KAZN: variants seen among roughly 807,000 people sequenced by gnomAD.
KAZN encodes kazrin.
KAZN carries 40 observed loss-of-function variants against 87.4 expected under a neutral mutation model. The ratio of observed to expected loss-of-function variants is 0.46; its 90% CI spans 0.36 to 0.60. KAZN has a LOEUF of 0.60. Among genes scored for constraint, KAZN ranks in the 20% least tolerant of loss-of-function variants. KAZN has a pLI of 0.00. For synonymous variants in KAZN, 466 were observed against 458.3 expected, an observed-to-expected ratio of 1.02 and a Z score of -0.22; for missense variants, 898 against 1,073.9, an observed-to-expected ratio of 0.84 and a Z score of 2.29.
intron 1 of KAZN, among the ~76,000 whole-genome samples, chr1:14,068,039 G>A (rs565514161): frequency 6.6e-6 from 1 of 152,166 alleles, no homozygotes; most frequent in African/African-American, 2.4e-5. Context: ...GCCAAGCCTG[G>A]ATGGCATGCC....
chr1:14,815,998 A>T (rs1646552448), intron 1 of KAZN, among the ~76,000 whole-genome samples: 1 of 152,088 alleles, frequency 6.6e-6, no homozygotes, highest in Non-Finnish European at 1.5e-5. Context: ...GACATTTCTC[A>T]TTCCAAGCCA....
intron 1 of KAZN, among the ~76,000 whole-genome samples, chr1:14,080,392 G>C (rs1570690309): frequency 6.6e-6 from 1 of 152,228 alleles, no homozygotes; most frequent in East Asian, 1.9e-4. Context: ...AATGGAGTAA[G>C]GTTTGTTTGT....
chr1:14,678,048 G>A (rs1241923899), intron 1 of KAZN, among the ~76,000 whole-genome samples: 3 of 152,212 alleles, frequency 2.0e-5, no homozygotes, highest in Admixed American at 6.5e-5. Context: ...TGAGAGGCAA[G>A]GGGCTCTGGC....
At chr1:14,892,629 A>G (rs1054465313) in intron 1 of KAZN, among the ~76,000 whole-genome samples, 3 of 152,188 alleles carry the variant, frequency 2.0e-5, no homozygotes, top group Admixed American at 2.0e-4. Context: ...AGGTGTCTCC[A>G]GAGCAAGCTT....
rs112401638 is a variant in KAZN at position 14,571,717 on chromosome 1, G to T, written c.250-27266G>T. 1.5e-3 allele frequency among the ~76,000 whole-genome samples: 222 copies of T among 152,232 alleles called. 1 individual carries two copies. The highest frequency in any genetic ancestry group is 5.2e-3 in the African/African-American group (215 of 41,524). On this transcript the variant is annotated intron_variant, in intron 2 of 16. Transcript: ENST00000636203. Reference sequence around the variant, plus strand: ...AACAGTATGGACTGTGAGACTCCGGGCCAGGGTGAATGGTGGTACCTCCCC... The same window carrying T: ...AACAGTATGGACTGTGAGACTCCGGTCCAGGGTGAATGGTGGTACCTCCCC...
intron 2 of KAZN, among the ~76,000 whole-genome samples, chr1:14,573,858 G>A (rs6666337): frequency 0.072 from 10,953 of 151,994 alleles, 422 homozygotes; most frequent in Non-Finnish European, 0.076. Context: ...CATATGAATA[G>A]TACCTGAAAC....
In KAZN at chr1:14,858,129, C is replaced by T. The variant is rs146365443; in HGVS notation, c.227-102555C>T. On this transcript the variant is annotated intron_variant, in intron 1 of 14. Transcript: ENST00000376030. ...ATCCATGTTGCAGCGTGTATCAGTA[C>T]TTCATTCCTTTTTTGTGATGGAATA... 5.1e-3 allele frequency among the ~76,000 whole-genome samples: 770 copies of T among 151,746 alleles called. 4 individuals carry two copies. The highest frequency in any genetic ancestry group is 0.018 in the African/African-American group (735 of 41,290).
chr1:14,774,410 C>T (rs1645114140), intron 1 of KAZN, among the ~76,000 whole-genome samples: 1 of 152,056 alleles, frequency 6.6e-6, no homozygotes. Flanking sequence ...CCTCCCTTTC[C>T]CCTTCTCACA....
At chr1:14,454,358 A>G (rs1057253911) in intron 2 of KAZN, among the ~76,000 whole-genome samples, 1 of 152,244 alleles carries the variant, frequency 6.6e-6, no homozygotes, top group African/African-American at 2.4e-5. Context: ...TTCAATTGTC[A>G]AATTCTAACC....
chr1:13,972,335 G>A (rs114823114), intron 1 of KAZN, among the ~76,000 whole-genome samples: 28 of 148,742 alleles, frequency 1.9e-4, no homozygotes, highest in Admixed American at 1.3e-3. Context: ...GTGCAGTGGC[G>A]CTATCTTGGC....
At chr1:14,963,673 G>A (rs567940773) in intron 2 of KAZN, among the ~76,000 whole-genome samples, 4 of 152,252 alleles carry the variant, frequency 2.6e-5, no homozygotes, top group South Asian at 2.1e-4. Flanking sequence ...TGTGCAGAAC[G>A]TGCAGGTTTG....
At chr1:13,957,761 C>G (rs1274967210) in intron 1 of KAZN, among the ~76,000 whole-genome samples, 1 of 152,122 alleles carries the variant, frequency 6.6e-6, no homozygotes, top group East Asian at 1.9e-4. Flanking sequence ...AACTCACGCT[C>G]TGGGGGATGG....
At chr1:14,840,743 C>A (rs1647865814) in intron 1 of KAZN, among the ~76,000 whole-genome samples, 1 of 152,196 alleles carries the variant, frequency 6.6e-6, no homozygotes, top group Non-Finnish European at 1.5e-5. Flanking sequence ...TTGGTGGAGA[C>A]CCTTCAAATC....
At chr1:14,703,614 T>C (rs1402982199) in intron 1 of KAZN, among the ~76,000 whole-genome samples, 1 of 152,222 alleles carries the variant, frequency 6.6e-6, no homozygotes. Flanking sequence ...AGCATGAGAA[T>C]GGACTAATAC....
intron 2 of KAZN, among the ~76,000 whole-genome samples, chr1:14,418,915 A>G (rs1665084539): frequency 6.6e-6 from 1 of 152,200 alleles, no homozygotes; most frequent in Non-Finnish European, 1.5e-5. Flanking sequence ...TGATGGCTGG[A>G]TGGGGGTTTG....
At chr1:14,031,917 A>G (rs532584029) in intron 1 of KAZN, among the ~76,000 whole-genome samples, 206 of 150,662 alleles carry the variant, frequency 1.4e-3, no homozygotes, top group African/African-American at 5.1e-3. Context: ...AACCATCTTC[A>G]TACCCTTAAC....
chr1:14,447,402 C>T (rs1667046629), intron 2 of KAZN, among the ~76,000 whole-genome samples: 1 of 151,736 alleles, frequency 6.6e-6, no homozygotes, highest in Non-Finnish European at 1.5e-5. Flanking sequence ...CCACACCGGG[C>T]TAATTTTTTT....
chr1:14,236,444 C>T (rs1648428499), intron 2 of KAZN, among the ~76,000 whole-genome samples: 1 of 152,178 alleles, frequency 6.6e-6, no homozygotes, highest in Non-Finnish European at 1.5e-5. Flanking sequence ...CATTCTCTTC[C>T]TTTCATGGGA....
At chr1:14,491,113 C>G (rs1669624733) in intron 2 of KAZN, among the ~76,000 whole-genome samples, 1 of 152,184 alleles carries the variant, frequency 6.6e-6, no homozygotes. Context: ...CGATCCTACT[C>G]ATTCCTTGTC....
Sources: gnomAD v4.1 joint callset for allele counts (sites outside exome capture counted in the v4.1 genomes callset) on GRCh38, gnomAD v4.1.1 for gene constraint, MANE v1.5 for transcripts, NCBI Gene and HGNC (gene_info 2026-07-23, HGNC 2026-07-21) for gene names.